The following MYO1A variants were observed in gnomAD, a reference collection of about 807,000 sequenced individuals.
MYO1A encodes the protein myosin IA, also known as unconventional myosin-Ia.
Under a neutral mutation model 138.5 loss-of-function variants are expected in MYO1A, and 127 were observed. The ratio of observed to expected loss-of-function variants is 0.92; its 90% CI spans 0.79 to 1.06. The LOEUF (loss-of-function observed/expected upper bound fraction) is 1.06. Ranked by LOEUF, MYO1A falls within the 50% of genes least tolerant of loss-of-function variation. The pLI is 0.00. For synonymous variants in MYO1A, 477 were observed against 497.5 expected (o/e 0.96, Z 0.55); for missense variants, 1,211 against 1,288.8 (o/e 0.94, Z 0.92).
rs1023749113 is a variant in MYO1A, at chr12:57,047,181, A to G, written c.431-74T>C. On this transcript the variant is annotated intron_variant, in intron 5 of 27. Coordinates refer to ENST00000300119, the MANE Select transcript of MYO1A (RefSeq NM_005379.4). ...GGAAGGGCTTCCAGTCCTCATGACA[A>G]TCTCAGATTTTTCTGGGTCGAACAA... The G allele has an allele frequency of 3.8e-6, 6 of 1,597,250 alleles. No homozygotes were observed. The South Asian group carries it at 5.5e-5, about 15-fold the overall frequency.
At chr12:57,048,726 C>T (rs563034978) in intron 1 of MYO1A, among the ~76,000 whole-genome samples, 124 of 152,268 alleles carry the variant, frequency 8.1e-4, no homozygotes, top group African/African-American at 1.4e-3. Flanking sequence ...CCGCCAGGTA[C>T]AGAAAGCCCT....
chr12:57,035,360 G>A (rs1180010683), intron 22 of MYO1A, among the ~76,000 whole-genome samples: 1 of 152,200 alleles, frequency 6.6e-6, no homozygotes, highest in Admixed American at 6.5e-5. Flanking sequence ...AAGGGGAAGA[G>A]GACGAGCAAA....
chr12:57,031,148 C>T lies in MYO1A; in HGVS notation c.2376G>A (p.Lys792=). ...SMVQKFLLGL[K]NNLPSTNVLD... is the part of the protein sequence containing the mutation. Reference sequence around the variant, plus strand: ...AGACGTTTGTGGATGGCAAATTGTTCTTCAGCCCCAGTAGGAATTTCTGTA... The same window carrying T: ...AGACGTTTGTGGATGGCAAATTGTTTTTCAGCCCCAGTAGGAATTTCTGTA... Residue 792 remains lysine (K), a synonymous_variant, in exon 23 of 28, where the codon AAG becomes AAA. Coordinates refer to ENST00000300119, the MANE Select transcript of MYO1A (RefSeq NM_005379.4). The T allele has an allele frequency of 6.2e-7, 1 of 1,614,134 alleles. No homozygotes were observed. The highest frequency in any genetic ancestry group is 8.5e-7 in the Non-Finnish European group (1 of 1,180,026).
Position 57,036,381 on chromosome 12 carries a change from C to T in MYO1A, c.2275G>A (p.Ala759Thr). ...AAATATTTGCGATAATTCTTTCGGG[C>T]CTGGCAGAAAAGTACAAGAAAGGAG... Reference protein sequence around the residue: ...LIQAFVRGWKARKNYRKYFRS... With the variant: ...LIQAFVRGWKTRKNYRKYFRS... The change falls in exon 22 of 28, where the codon GCC becomes ACC. Residue 759 changes from alanine (A) to threonine (T), a missense_variant and splice_region_variant. Physicochemically the swap from Ala to Thr is moderately conservative, Grantham distance 58. Coordinates refer to ENST00000300119, the MANE Select transcript of MYO1A (RefSeq NM_005379.4). 1 of 1,613,802 alleles carries T rather than the reference C, an allele frequency of 6.2e-7. No individual in the cohort carries two copies. The highest frequency in any genetic ancestry group is 8.5e-7 in the Non-Finnish European group (1 of 1,179,796).
intron 26 of MYO1A, 42 bp downstream of exon 26, chr12:57,029,393 C>T (rs200379561): frequency 6.3e-4 from 1,019 of 1,613,904 alleles, no homozygotes; most frequent in Non-Finnish European, 8.1e-4. Context: ...GGATGCATAC[C>T]ACCTTCTCCA....
Position 57,036,801 on chromosome 12 carries a change from A to G in MYO1A, c.2245T>C (p.Leu749=). Residue 749 remains leucine (L), a synonymous_variant, in exon 21 of 28, where the codon TTG becomes CTG. Coordinates refer to ENST00000300119, the MANE Select transcript of MYO1A (RefSeq NM_005379.4). ...CYGKIKASVL[L]IQAFVRGWKA... is the part of the protein sequence containing the mutation. ...CACCCTCTCACAAAAGCCTGGATCA[A>G]TAACACGGATGCCTTTATCTTCCCA... 1.2e-6 allele frequency: 2 copies of G among 1,614,252 alleles called. No homozygotes were observed. Among genetic ancestry groups the G allele is most frequent in the Non-Finnish European group, 1.7e-6 (2 of 1,180,052 alleles).
chr12:57,031,105 C>G lies in MYO1A; in HGVS notation c.2419G>C (p.Ala807Pro), dbSNP rs899528470. ...GTGCTGAGGCACTTGTAGGGGGCGG[C>G]TGGCCATGTCTTGTCTAAGACGTTT... ...STNVLDKTWPAAPYKCLSTAN... is the reference protein window; with the variant it reads ...STNVLDKTWPPAPYKCLSTAN... Residue 807 changes from alanine (A) to proline (P), a missense_variant, in exon 23 of 28, where the codon GCC becomes CCC. Ala to Pro is a conservative substitution (Grantham distance 27, BLOSUM62 -1). Coordinates refer to ENST00000300119, the MANE Select transcript of MYO1A (RefSeq NM_005379.4). 1 of 1,614,158 alleles carries G rather than the reference C, an allele frequency of 6.2e-7. No homozygotes were observed. Among genetic ancestry groups the G allele is most frequent in the Middle Eastern group, 1.6e-4 (1 of 6,062 alleles).
intron 22 of MYO1A, among the ~76,000 whole-genome samples, chr12:57,035,109 G>A (rs1163972734): frequency 6.6e-6 from 1 of 152,206 alleles, no homozygotes; most frequent in Non-Finnish European, 1.5e-5. Context: ...CTGTGGGGGT[G>A]TGATTTATTG....
At chr12:57,041,381 T>C (rs1306013681) in intron 13 of MYO1A, 51 bp downstream of exon 13, 1 of 1,593,986 alleles carries the variant, frequency 6.3e-7, no homozygotes, top group Non-Finnish European at 8.6e-7. Flanking sequence ...CCTGTGAGCC[T>C]GTCCACCTCT....
rs2030839891 is a variant in MYO1A, at chr12:57,041,164, G to A, written c.1269+20C>T. On this transcript the variant is annotated intron_variant, in intron 14 of 27. Coordinates refer to ENST00000300119, the MANE Select transcript of MYO1A (RefSeq NM_005379.4). ...CCTAGAAGTTGTTTAAGAGGGGGAA[G>A]TAGAAAAGACTTGGTTTACTTCTCT... is the stretch of plus-strand genomic sequence containing the variant. The A allele has an allele frequency of 1.2e-5, 19 of 1,578,184 alleles. No individual in the cohort carries two copies. Among genetic ancestry groups the A allele is most frequent in the Non-Finnish European group, 1.5e-5 (17 of 1,150,430 alleles).
At chr12:57,033,147 A>G (rs1278052465) in intron 22 of MYO1A, among the ~76,000 whole-genome samples, 1 of 152,172 alleles carries the variant, frequency 6.6e-6, no homozygotes, top group African/African-American at 2.4e-5. Flanking sequence ...TCTCTTACAC[A>G]ATCATAACTC....
chr12:57,047,530 C>A lies in MYO1A; in HGVS notation c.325+97G>T, dbSNP rs538256440. 1.2e-3 allele frequency: 1,783 copies of A among 1,512,938 alleles called. 6 individuals are homozygous for A. The highest frequency in any genetic ancestry group is 1.5e-3 in the Non-Finnish European group (1,606 of 1,089,574). The allele number at this position is 1,512,938 out of a possible 1,614,324, so 93.7% of individuals were successfully genotyped here. ...AGTCAGAAAAAGTGGAAAGGAAGTT[C>A]TGTGGGGTGGAGGGTCAGGTCTAGG... is the stretch of plus-strand genomic sequence containing the variant. On this transcript the variant is annotated intron_variant, in intron 4 of 27. Coordinates refer to ENST00000300119, the MANE Select transcript of MYO1A (RefSeq NM_005379.4).
At chr12:57,047,822 G>C (rs1041013819) in intron 3 of MYO1A, 101 bp from the exon 4 acceptor site, 14 of 1,568,986 alleles carry the variant, frequency 8.9e-6, no homozygotes, top group East Asian at 2.4e-5. Flanking sequence ...TCTCTACTTG[G>C]AGCAGACTGG....
chr12:57,048,787 C>T (rs528353759), intron 1 of MYO1A, among the ~76,000 whole-genome samples: 1 of 152,316 alleles, frequency 6.6e-6, no homozygotes, highest in Admixed American at 6.5e-5. Context: ...CATCTACCCC[C>T]AGTGCTTCTT....
Position 57,029,201 on chromosome 12 carries a change from A to G in MYO1A, c.2936T>C (p.Leu979Pro), listed in dbSNP as rs200019408. The stretch of plus-strand genomic sequence containing the variant: ...CACAGCCCGGTACATTTTGGTCAGC[A>G]GTTCAATCACATGCTCGCTGACCAG... Reference protein sequence around the residue: ...FLLVSEHVIELLTKMYRAVLD... With the variant: ...FLLVSEHVIEPLTKMYRAVLD... The change falls in exon 27 of 28, where the codon CTG becomes CCG. Residue 979 changes from leucine (L) to proline (P), a missense_variant. Leu to Pro is a moderately conservative substitution (Grantham distance 98, BLOSUM62 -3). Transcript: ENST00000300119. 1.9e-6 allele frequency: 3 copies of G among 1,614,128 alleles called. No homozygotes were observed.
At chr12:57,032,608 G>A (rs1050039953) in intron 22 of MYO1A, among the ~76,000 whole-genome samples, 9 of 152,220 alleles carry the variant, frequency 5.9e-5, no homozygotes, top group African/African-American at 1.7e-4. Flanking sequence ...GCTTGAACCC[G>A]GGAGGTGGAG....
intron 12 of MYO1A, among the ~76,000 whole-genome samples, chr12:57,042,756 C>G (rs1224097369): frequency 6.6e-6 from 1 of 152,166 alleles, no homozygotes; most frequent in Non-Finnish European, 1.5e-5. Flanking sequence ...CCACACCCAG[C>G]ATATTAGTGT....
intron 9 of MYO1A, 31 bp downstream of exon 9, chr12:57,044,075 G>A (rs781007099): frequency 8.1e-6 from 13 of 1,614,100 alleles, no homozygotes; most frequent in Non-Finnish European, 1.0e-5. Context: ...ATGACCTAAG[G>A]GCCCAAGCCT....
At chr12:57,036,008 A>G (rs950444342) in intron 22 of MYO1A, among the ~76,000 whole-genome samples, 1 of 152,176 alleles carries the variant, frequency 6.6e-6, no homozygotes, top group Non-Finnish European at 1.5e-5. Context: ...ATCCAGCCCC[A>G]GGATCTTCAC....
Sources: allele counts gnomAD v4.1 joint callset (sites outside exome capture counted in the v4.1 genomes callset), GRCh38; gene constraint gnomAD v4.1.1; transcripts MANE v1.5; gene names NCBI Gene and HGNC (gene_info 2026-07-23, HGNC 2026-07-21).